The following GLRB variants were observed in gnomAD, a reference collection of about 807,000 sequenced individuals.
GLRB encodes the protein glycine receptor beta.
Under a neutral mutation model 54.2 loss-of-function variants are expected in GLRB, and 33 were observed. That is an observed-to-expected ratio of 0.61 (90% CI 0.46 to 0.81). The LOEUF is 0.81. Among genes scored for constraint, GLRB ranks in the 40% least tolerant of loss-of-function variants. The probability of loss-of-function intolerance (pLI) is 0.00; values close to 1 mark genes in which losing one functional copy is unlikely to be tolerated. For synonymous variants in GLRB, 209 were observed against 208.2 expected (o/e 1.00, Z -0.03); for missense variants, 572 against 584.6 (o/e 0.98, Z 0.22).
At chr4:157,164,840 GTTATT>G (rs995936235) in intron 9 of GLRB, among the ~76,000 whole-genome samples, 1 of 151,888 alleles carries the variant, frequency 6.6e-6, no homozygotes, top group Non-Finnish European at 1.5e-5. Flanking sequence ...ACCCAATTAT[GTTATT>G]TTAAGTTTAT....
intron 9 of GLRB, among the ~76,000 whole-genome samples, chr4:157,159,447 A>G (rs988282969): frequency 6.6e-6 from 1 of 152,114 alleles, no homozygotes; most frequent in African/African-American, 2.4e-5. Context: ...TTGCCCATTG[A>G]GTATGATATT....
intron 9 of GLRB, among the ~76,000 whole-genome samples, chr4:157,156,108 T>C (rs1439127056): frequency 6.6e-6 from 1 of 152,226 alleles, no homozygotes; most frequent in African/African-American, 2.4e-5. Context: ...GTATGAGTTT[T>C]AGGATTGTTT....
chr4:157,131,526 A>G (rs1736215874), intron 4 of GLRB, among the ~76,000 whole-genome samples: 1 of 151,732 alleles, frequency 6.6e-6, no homozygotes, highest in East Asian at 1.9e-4. Flanking sequence ...ATTCACCATT[A>G]TAGTATCATA....
chr4:157,085,485 C>T (rs1734375854), intron 2 of GLRB, among the ~76,000 whole-genome samples: 1 of 152,080 alleles, frequency 6.6e-6, no homozygotes, highest in Non-Finnish European at 1.5e-5. Context: ...TCCATCTTAA[C>T]ATGCCATCTG....
chr4:157,095,701 G>T lies in GLRB; in HGVS notation c.122+17555G>T, dbSNP rs75033211. Among the ~76,000 whole-genome samples the T allele has an allele frequency of 7.7e-3, 1,176 of 152,244 alleles. 21 individuals carry two copies. The East Asian group carries it at 0.1, about 13-fold the overall frequency. ...TAAAAAGACATAAAGCTAGGATCAT[G>T]TCTGTCTCTTGCATATTGAGGGCTC... On this transcript the variant is annotated intron_variant, in intron 2 of 9. Transcript: ENST00000264428.
rs543505476 is a variant in GLRB at position 157,142,953 on chromosome 4, T to C, written c.752-854T>C. 3.9e-5 allele frequency among the ~76,000 whole-genome samples: 6 copies of C among 152,264 alleles called. No individual in the cohort carries two copies. The South Asian group carries it at 1.2e-3, about 32-fold the overall frequency. On this transcript the variant is annotated intron_variant, in intron 7 of 9. Coordinates refer to ENST00000264428, the MANE Select transcript of GLRB (RefSeq NM_000824.5). Reference sequence around the variant, plus strand: ...TAATCTCGAACATCTGGAAATACCTTTTCTATTTGAATGCAGTACTGTGAG... The same window carrying C: ...TAATCTCGAACATCTGGAAATACCTCTTCTATTTGAATGCAGTACTGTGAG...
chr4:157,111,243 G>A (rs77528087), intron 2 of GLRB, among the ~76,000 whole-genome samples: 9 of 151,924 alleles, frequency 5.9e-5, no homozygotes, highest in East Asian at 1.9e-4. Context: ...GTTTACTTCC[G>A]TTCCTTGCTG....
chr4:157,083,516 T>C (rs1734300449), intron 2 of GLRB, among the ~76,000 whole-genome samples: 1 of 152,058 alleles, frequency 6.6e-6, no homozygotes, highest in Admixed American at 6.6e-5. Flanking sequence ...TAGAGAAAGG[T>C]TGAGCATTAC....
At chr4:157,103,047 A>T (rs1254653729) in intron 2 of GLRB, among the ~76,000 whole-genome samples, 1 of 151,436 alleles carries the variant, frequency 6.6e-6, no homozygotes, top group Non-Finnish European at 1.5e-5. Flanking sequence ...GCTACTCAGG[A>T]GGCTGATACA....
intron 8 of GLRB, among the ~76,000 whole-genome samples, chr4:157,146,281 C>T (rs1307665114): frequency 5.3e-5 from 8 of 151,920 alleles, no homozygotes; most frequent in Non-Finnish European, 1.0e-4. Flanking sequence ...TCCCAAAGTG[C>T]TGGGATTACA....
chr4:157,162,379 G>A (rs1737533179), intron 9 of GLRB, among the ~76,000 whole-genome samples: 1 of 152,156 alleles, frequency 6.6e-6, no homozygotes, highest in South Asian at 2.1e-4. Flanking sequence ...TCCGTTGCTG[G>A]CGAGGAGCTG....
chr4:157,159,184 A>AGATT (rs1560975743), intron 9 of GLRB, among the ~76,000 whole-genome samples: 2 of 152,130 alleles, frequency 1.3e-5, no homozygotes, highest in African/African-American at 4.8e-5. Context: ...TAGATTTTGT[A>AGATT]TCCTGAGACT....
chr4:157,116,681 TA>T (rs1735619682), intron 2 of GLRB, among the ~76,000 whole-genome samples: 1 of 151,792 alleles, frequency 6.6e-6, no homozygotes, highest in African/African-American at 2.4e-5. Flanking sequence ...TCTGTAGAGA[TA>T]ATTTTAATGT....
In GLRB at chr4:157,096,072, C is replaced by A. The variant is rs572604663; in HGVS notation, c.122+17926C>A. ...GGCCAGTTGGAGAAAAGTCACAGTC[C>A]TTTCCTGGGAATTGAAATTAGAGGA... On this transcript the variant is annotated intron_variant, in intron 2 of 9. Transcript: ENST00000264428. Among the ~76,000 whole-genome samples the A allele has an allele frequency of 5.3e-5, 8 of 152,192 alleles. No homozygotes were observed. In the South Asian group the frequency reaches 6.2e-4, roughly 12 times the overall value.
intron 2 of GLRB, among the ~76,000 whole-genome samples, chr4:157,090,240 CAG>C (rs773815291): frequency 6.6e-6 from 1 of 152,058 alleles, no homozygotes; most frequent in Non-Finnish European, 1.5e-5. Flanking sequence ...CAAATTGAAA[CAG>C]AAATTTAAAA....
At chr4:157,155,656 A>G (rs1265710258) in intron 9 of GLRB, among the ~76,000 whole-genome samples, 2 of 152,168 alleles carry the variant, frequency 1.3e-5, no homozygotes, top group Non-Finnish European at 2.9e-5. Flanking sequence ...TAATTGTTCT[A>G]ATTGCTTTTC....
chr4:157,091,698 A>T (rs1734623552), intron 2 of GLRB, among the ~76,000 whole-genome samples: 1 of 152,142 alleles, frequency 6.6e-6, no homozygotes, highest in African/African-American at 2.4e-5. Flanking sequence ...GTGTATATCC[A>T]ATCACTTACT....
chr4:157,137,972 T>C (rs1024099592), intron 6 of GLRB, among the ~76,000 whole-genome samples: 2 of 152,190 alleles, frequency 1.3e-5, no homozygotes, highest in Admixed American at 1.3e-4. Context: ...TGCTTCAGGG[T>C]GCTGAAATGA....
intron 4 of GLRB, among the ~76,000 whole-genome samples, chr4:157,132,116 ATC>A (rs1406103857): frequency 4.0e-5 from 6 of 151,806 alleles, no homozygotes; most frequent in Non-Finnish European, 8.8e-5. Context: ...GTGTAGTGGT[ATC>A]TGATTGTTGT....
Sources: allele counts gnomAD v4.1 joint callset (sites outside exome capture counted in the v4.1 genomes callset), GRCh38; gene constraint gnomAD v4.1.1; transcripts MANE v1.5; gene names NCBI Gene and HGNC (gene_info 2026-07-23, HGNC 2026-07-21).